RBFOX3: variants seen among roughly 807,000 people sequenced by gnomAD.
The protein encoded by RBFOX3 is RNA binding fox-1 homolog 3.
RBFOX3 carries 17 observed loss-of-function variants against 48.7 expected under a neutral mutation model. The observed-to-expected ratio is 0.35, with a 90% CI of 0.24 to 0.52. The LOEUF is 0.52. Ranked by LOEUF, RBFOX3 falls within the 20% of genes least tolerant of loss-of-function variation. The probability of loss-of-function intolerance (pLI) is 0.94; values close to 1 mark genes in which losing one functional copy is unlikely to be tolerated. For synonymous variants in RBFOX3, 212 were observed against 209.5 expected, an observed-to-expected ratio of 1.01 and a Z score of -0.10; for missense variants, 382 against 497.5, an observed-to-expected ratio of 0.77 and a Z score of 2.21.
intron 1 of RBFOX3, among the ~76,000 whole-genome samples, chr17:79,537,150 T>C (rs1555788928): frequency 6.6e-6 from 1 of 151,574 alleles, no homozygotes; most frequent in Non-Finnish European, 1.5e-5. Flanking sequence ...GCAACACACA[T>C]TTATCCTCTT....
chr17:79,520,228 A>G (rs1412211716), intron 1 of RBFOX3, among the ~76,000 whole-genome samples: 1 of 152,150 alleles, frequency 6.6e-6, no homozygotes, highest in East Asian at 1.9e-4. Flanking sequence ...CAGTGTGACA[A>G]CGCCCCAGGC....
At chr17:79,092,772 C>T (rs146388121) in intron 14 of RBFOX3, 6 of 409,010 alleles carry the variant, frequency 1.5e-5, no homozygotes, top group African/African-American at 1.1e-4. Context: ...CCCTATATTC[C>T]TTGGGGAGAA....
rs2059589203 is a variant in RBFOX3 at position 79,220,424 on chromosome 17, C to A, written c.-34+15342G>T. 6.6e-6 allele frequency among the ~76,000 whole-genome samples: 1 copy of A among 152,190 alleles called. No individual in the cohort carries two copies. Among genetic ancestry groups the A allele is most frequent in the South Asian group, 2.1e-4 (1 of 4,828 alleles). ...TCTCTCCCTCTCCCTGTGTCTCTGC[C>A]TCTCGCTTTATTTCCCCAGGTTGCT... On this transcript the variant is annotated intron_variant, in intron 4 of 14. Coordinates refer to ENST00000693108, the MANE Select transcript of RBFOX3 (RefSeq NM_001350451.2). This position sits in a 1 kb window ranked among gnomAD's most constrained non-coding sequence, Gnocchi z 5.9.
chr17:79,620,599 G>GCACA, the RBFOX3 span, among the ~76,000 whole-genome samples: 259 of 100,822 alleles, frequency 2.6e-3, 2 homozygotes, highest in African/African-American at 9.3e-3. Context: ...ACACACGCAC[G>GCACA]CACGCACACA....
At chr17:79,315,956 C>CGCCA (rs1392979839) in intron 2 of RBFOX3, among the ~76,000 whole-genome samples, 1 of 152,124 alleles carries the variant, frequency 6.6e-6, no homozygotes, top group Non-Finnish European at 1.5e-5. Flanking sequence ...GGGGTGGGTC[C>CGCCA]GCCAGCAGCT....
chr17:79,090,749 G>T lies in RBFOX3; in HGVS notation c.*134C>A. The T allele has an allele frequency of 8.9e-7, 1 of 1,121,758 alleles. No individual in the cohort carries two copies. The highest frequency in any genetic ancestry group is 1.3e-6 in the Non-Finnish European group (1 of 799,922). 69.5% of individuals were successfully genotyped at this position (1,121,758 alleles called of 1,614,324 possible). On this transcript the variant is annotated 3_prime_UTR_variant, in exon 15 of 15. Transcript: ENST00000693108. ...AGGACGCGGGACTTGGACTTGGTTG[G>T]ATGCCTCTTGGTTTGGTTGGTTTTT...
At chr17:79,353,496 T>C (rs898603366) in intron 2 of RBFOX3, among the ~76,000 whole-genome samples, 1 of 152,186 alleles carries the variant, frequency 6.6e-6, no homozygotes, top group African/African-American at 2.4e-5. Context: ...CTTACAGAAT[T>C]TCTGGGAAAT....
At chr17:79,281,309 A>G (rs1189985320) in intron 3 of RBFOX3, among the ~76,000 whole-genome samples, 59 of 131,222 alleles carry the variant, frequency 4.5e-4, no homozygotes, top group African/African-American at 7.9e-4. Flanking sequence ...GGACTATCCA[A>G]ATGCCTTGGG....
chr17:79,648,290 G>A, the RBFOX3 span, among the ~76,000 whole-genome samples: 5 of 152,150 alleles, frequency 3.3e-5, no homozygotes, highest in East Asian at 1.9e-4. Flanking sequence ...TGCAGATGAC[G>A]TGGGTAATGG....
rs75022618 is a variant in RBFOX3 at position 79,381,920 on chromosome 17, C to T, written c.-174-74096G>A. Among the ~76,000 whole-genome samples the T allele has an allele frequency of 8.1e-3, 1,237 of 152,272 alleles. 15 individuals carry two copies. Among genetic ancestry groups the T allele is most frequent in the African/African-American group, 0.028 (1,169 of 41,536 alleles). ...CAGGGGTGCACTGAGGAAATAAAAC[C>T]GAAACCCGGTGTCACCATCATCACA... On this transcript the variant is annotated intron_variant, in intron 2 of 14. Coordinates refer to ENST00000693108, the MANE Select transcript of RBFOX3 (RefSeq NM_001350451.2).
intron 2 of RBFOX3, among the ~76,000 whole-genome samples, chr17:79,359,792 C>A (rs985132952): frequency 4.0e-5 from 6 of 151,712 alleles, no homozygotes; most frequent in Admixed American, 1.3e-4. Context: ...CAGTGGTGAT[C>A]AAAGCTCACT....
rs1320005298 is a variant in RBFOX3 at position 79,540,624 on chromosome 17, C to T, written c.-319-58026G>A. Among the ~76,000 whole-genome samples, 13 of 152,338 alleles carry T rather than the reference C, an allele frequency of 8.5e-5. No homozygotes were observed. In the East Asian group the frequency reaches 2.3e-3, roughly 27 times the overall value. Reference sequence around the variant, plus strand: ...CCCGGGCCCTGCTTCCAAAAGCAGACTCCATGTCATTCACATACCGCCGTG... The same window carrying T: ...CCCGGGCCCTGCTTCCAAAAGCAGATTCCATGTCATTCACATACCGCCGTG... On this transcript the variant is annotated intron_variant, in intron 1 of 14. Transcript: ENST00000693108.
At chr17:79,431,103 G>A (rs1220401459) in intron 2 of RBFOX3, among the ~76,000 whole-genome samples, 1 of 152,188 alleles carries the variant, frequency 6.6e-6, no homozygotes, top group African/African-American at 2.4e-5. Context: ...GGTCAAGCCC[G>A]ATCGGTGATC....
At chr17:79,270,054 C>T (rs2067389965) in intron 3 of RBFOX3, among the ~76,000 whole-genome samples, 1 of 152,086 alleles carries the variant, frequency 6.6e-6, no homozygotes, top group Non-Finnish European at 1.5e-5. Flanking sequence ...CGAATCACTC[C>T]CTTCCTCCTT....
chr17:79,443,062 C>G lies in RBFOX3; in HGVS notation c.-175+39392G>C, dbSNP rs782265825. 6.6e-6 allele frequency among the ~76,000 whole-genome samples: 1 copy of G among 152,236 alleles called. No homozygotes were observed. On this transcript the variant is annotated intron_variant, in intron 2 of 14. Coordinates refer to ENST00000693108, the MANE Select transcript of RBFOX3 (RefSeq NM_001350451.2). This position sits in a 1 kb window ranked among gnomAD's most constrained non-coding sequence, Gnocchi z 4.4. ...ATCCACCTGTGCCATGAGGTCCTCA[C>G]AGGCCAAAGGTGCACATGGACGAGA...
At chr17:79,385,233 A>G (rs745832300) in intron 2 of RBFOX3, among the ~76,000 whole-genome samples, 8 of 152,286 alleles carry the variant, frequency 5.3e-5, no homozygotes, top group Non-Finnish European at 8.8e-5. Flanking sequence ...GGGTCCCACA[A>G]CAAGGCAGAA....
chr17:79,136,598 C>T (rs1013552509), intron 4 of RBFOX3, among the ~76,000 whole-genome samples: 3 of 152,174 alleles, frequency 2.0e-5, no homozygotes, highest in Non-Finnish European at 4.4e-5. Flanking sequence ...CTGGGTCTCT[C>T]GCCCAAGCTC....
the RBFOX3 span, among the ~76,000 whole-genome samples, chr17:79,636,177 G>C: frequency 6.6e-6 from 1 of 152,074 alleles, no homozygotes; most frequent in Non-Finnish European, 1.5e-5. Flanking sequence ...GTGAGATAGA[G>C]CTATATGTGC....
At chr17:79,656,745 AGAAAGAAG>A in the RBFOX3 span, among the ~76,000 whole-genome samples, 36 of 79,884 alleles carry the variant, frequency 4.5e-4, no homozygotes, top group Non-Finnish European at 6.0e-4. Flanking sequence ...AAAGAAAGAA[AGAAAGAAG>A]GAAGGAAGGA....
Sources: allele counts gnomAD v4.1 joint callset (sites outside exome capture counted in the v4.1 genomes callset), GRCh38; gene constraint gnomAD v4.1.1; non-coding constraint Gnocchi (gnomAD v3.1); transcripts MANE v1.5; gene names NCBI Gene and HGNC (gene_info 2026-07-23, HGNC 2026-07-21).